The following UTP15 variants were observed in gnomAD, a reference collection of about 807,000 sequenced individuals.
UTP15 encodes the protein UTP15 small subunit processome component.
A neutral mutation model predicts 59.1 loss-of-function variants in UTP15; 5 were observed. The observed-to-expected ratio is 0.08, with a 90% CI of 0.04 to 0.18. The LOEUF is 0.18. Ranked by LOEUF, UTP15 falls within the 10% of genes least tolerant of loss-of-function variation. The pLI, the probability that UTP15 is intolerant of heterozygous loss-of-function variation, is 1.00. For synonymous variants in UTP15, 211 were observed against 212.2 expected (o/e 0.99, Z 0.05); for missense variants, 494 against 616.7 (o/e 0.80, Z 2.11).
Position 73,582,871 on chromosome 5 carries a change from G to A in UTP15, c.*2777G>A, listed in dbSNP as rs1465121205. ...TTAAAATGTTACTAAGTCTGCAAAAGTACTGAAATGTTTCAGAGAACTTGG... is the reference window on the plus strand; with the variant it reads ...TTAAAATGTTACTAAGTCTGCAAAAATACTGAAATGTTTCAGAGAACTTGG... On this transcript the variant is annotated 3_prime_UTR_variant, in exon 13 of 13. Coordinates refer to ENST00000296792, the MANE Select transcript of UTP15 (RefSeq NM_032175.4). 1 of 152,194 alleles carries A rather than the reference G, an allele frequency of 6.6e-6. No individual in the cohort carries two copies. The highest frequency in any genetic ancestry group is 2.4e-5 in the African/African-American group (1 of 41,448). 9.4% of individuals were successfully genotyped at this position (152,194 alleles called of 1,614,324 possible).
In UTP15 at chr5:73,568,616, T is replaced by G; in HGVS notation, c.368+12T>G. On this transcript the variant is annotated intron_variant, in intron 4 of 12. Transcript: ENST00000296792. Reference sequence around the variant, plus strand: ...GAAGGCCATACAAAGTAAGAGACAGTTGGTTTCTGTGTGTTCTGGTTTTAT... The same window carrying G: ...GAAGGCCATACAAAGTAAGAGACAGGTGGTTTCTGTGTGTTCTGGTTTTAT... The G allele has an allele frequency of 6.3e-7, 1 of 1,596,454 alleles. No homozygotes were observed.
At chr5:73,575,991 G>T (rs978124592) in intron 7 of UTP15, among the ~76,000 whole-genome samples, 7 of 151,586 alleles carry the variant, frequency 4.6e-5, no homozygotes, top group South Asian at 2.1e-4. Context: ...AAAGTGCTGG[G>T]ATTACTACAG....
chr5:73,567,588 TC>T (rs1352176600), intron 2 of UTP15, 154 bp downstream of exon 2: 2 of 513,886 alleles, frequency 3.9e-6, no homozygotes, highest in African/African-American at 3.9e-5. Context: ...ATCTATTTTT[TC>T]TTGGAATTTT....
At chr5:73,569,431 TTA>T (rs2112040537) in intron 4 of UTP15, 64 bp from the exon 5 acceptor site, 1 of 1,263,036 alleles carries the variant, frequency 7.9e-7, no homozygotes, top group East Asian at 2.6e-5. Context: ...AAGGAGCATT[TTA>T]TGTTAGAAGG....
intron 5 of UTP15, among the ~76,000 whole-genome samples, chr5:73,570,094 C>T (rs899265528): frequency 2.0e-5 from 3 of 152,194 alleles, no homozygotes; most frequent in Non-Finnish European, 4.4e-5. Context: ...AATTTCCTCC[C>T]GGAGGACTGG....
chr5:73,567,297 C>T lies in UTP15; in HGVS notation c.-48C>T. On this transcript the variant is annotated 5_prime_UTR_variant, in exon 2 of 13. Coordinates refer to ENST00000296792, the MANE Select transcript of UTP15 (RefSeq NM_032175.4). ...GAGTCACTGTAATTATTTCTAATAC[C>T]AATTCCAAAATAGTGACTCTTGGAC... The T allele has an allele frequency of 4.6e-6, 6 of 1,314,678 alleles. No individual in the cohort carries two copies. The highest frequency in any genetic ancestry group is 1.9e-4 in the Middle Eastern group (1 of 5,278). 81.4% of individuals were successfully genotyped at this position (1,314,678 alleles called of 1,614,324 possible).
At chr5:73,571,061 T>C (rs910348227) in intron 6 of UTP15, among the ~76,000 whole-genome samples, 4 of 152,170 alleles carry the variant, frequency 2.6e-5, no homozygotes, top group African/African-American at 9.7e-5. Context: ...TATTTAGCCC[T>C]GTGCCATCTT....
chr5:73,567,459 G>A, intron 2 of UTP15, 25 bp downstream of exon 2: 4 of 1,538,404 alleles, frequency 2.6e-6, no homozygotes, highest in Non-Finnish European at 3.5e-6. Context: ...TAATGAGGGA[G>A]AAGGGATTTG....
chr5:73,566,856 G>GT (rs1747784298), intron 1 of UTP15, among the ~76,000 whole-genome samples: 1 of 152,134 alleles, frequency 6.6e-6, no homozygotes, highest in South Asian at 2.1e-4. Flanking sequence ...AATCAAATCC[G>GT]TAACTATAAT....
rs951023022 is a variant in UTP15 at position 73,580,180 on chromosome 5, A to G, written c.*86A>G. On this transcript the variant is annotated 3_prime_UTR_variant, in exon 13 of 13. Transcript: ENST00000296792. ...GTTGGCGAGAGACTCTCTTTGATAC[A>G]TTAAAAAAACTGTTTGCAGAAGCAG... is the stretch of plus-strand genomic sequence containing the variant. 1 of 1,222,552 alleles carries G rather than the reference A, an allele frequency of 8.2e-7. No homozygotes were observed. Among genetic ancestry groups the G allele is most frequent in the Non-Finnish European group, 1.1e-6 (1 of 884,954 alleles). The allele number at this position is 1,222,552 out of a possible 1,614,324, so 75.7% of individuals were successfully genotyped here. A position where few individuals can be genotyped will look rare whatever the true frequency, so the allele number is the denominator to read the frequency against.
intron 5 of UTP15, 104 bp downstream of exon 5, chr5:73,569,779 A>G (rs1213037104): frequency 1.7e-5 from 16 of 931,662 alleles, no homozygotes; most frequent in Middle Eastern, 2.3e-4. Flanking sequence ...TTTTTTTTAT[A>G]AAGGAATATG....
Position 73,583,163 on chromosome 5 carries a change from A to G in UTP15, c.*3069A>G, listed in dbSNP as rs1204683054. ...AAGCCGCATGCCTGTTCCCTCAGCT[A>G]TAGTTAACTGGACCATGGTGGTACA... On this transcript the variant is annotated 3_prime_UTR_variant, in exon 13 of 13. Transcript: ENST00000296792. 2 of 152,186 alleles carry G rather than the reference A, an allele frequency of 1.3e-5. No individual in the cohort carries two copies. The highest frequency in any genetic ancestry group is 2.4e-5 in the African/African-American group (1 of 41,442). 9.4% of individuals were successfully genotyped at this position (152,186 alleles called of 1,614,324 possible). A position where few individuals can be genotyped will look rare whatever the true frequency, so the allele number is the denominator to read the frequency against.
At chr5:73,568,636 T>C in intron 4 of UTP15, 32 bp downstream of exon 4, 1 of 1,564,320 alleles carries the variant, frequency 6.4e-7, no homozygotes, top group Non-Finnish European at 8.6e-7. Flanking sequence ...TGTGTTCTGG[T>C]TTTATTTTGT....
chr5:73,573,148 T>C (rs1388466050), intron 7 of UTP15, among the ~76,000 whole-genome samples: 1 of 152,180 alleles, frequency 6.6e-6, no homozygotes, highest in Non-Finnish European at 1.5e-5. Flanking sequence ...ACTTGTATAC[T>C]TAAACAACAT....
At chr5:73,575,081 T>G (rs115948339) in intron 7 of UTP15, among the ~76,000 whole-genome samples, 13,386 of 152,258 alleles carry the variant, frequency 0.088, 892 homozygotes, top group African/African-American at 0.19. Context: ...GTTTATATAT[T>G]TATGGATATT....
intron 7 of UTP15, among the ~76,000 whole-genome samples, chr5:73,573,872 C>A (rs568188108): frequency 6.6e-6 from 1 of 151,738 alleles, no homozygotes; most frequent in African/African-American, 2.4e-5. Flanking sequence ...CCACGCCTGA[C>A]CTAAAAGTTA....
chr5:73,571,674 G>A (rs1171604391), intron 6 of UTP15, among the ~76,000 whole-genome samples: 3 of 151,410 alleles, frequency 2.0e-5, no homozygotes, highest in South Asian at 2.1e-4. Flanking sequence ...GGTTGCTCAC[G>A]CCTGTAATCC....
chr5:73,570,420 C>T (rs1019324461), intron 5 of UTP15, among the ~76,000 whole-genome samples, 166 bp from the exon 6 acceptor site: 5 of 152,150 alleles, frequency 3.3e-5, no homozygotes, highest in African/African-American at 9.7e-5. Context: ...TCTTCAGACA[C>T]GATCAGTAGT....
intron 8 of UTP15, 113 bp from the exon 9 acceptor site, chr5:73,577,743 C>T (rs1409120008): frequency 2.3e-6 from 2 of 862,422 alleles, no homozygotes; most frequent in Non-Finnish European, 3.5e-6. Flanking sequence ...TTGAATGGAA[C>T]TGTTGGTGAA....
Sources: gnomAD v4.1 joint callset for allele counts (sites outside exome capture counted in the v4.1 genomes callset) on GRCh38, gnomAD v4.1.1 for gene constraint, MANE v1.5 for transcripts, NCBI Gene and HGNC (gene_info 2026-07-23, HGNC 2026-07-21) for gene names.